KARS1: variants seen among roughly 807,000 people sequenced by gnomAD.
The protein encoded by KARS1 is lysine--tRNA ligase.
Under a neutral mutation model 63.9 loss-of-function variants are expected in KARS1, and 50 were observed. That is an observed-to-expected ratio of 0.78 (90% CI 0.62 to 0.99). The LOEUF is 0.99. Ranked by LOEUF, KARS1 falls within the 50% of genes least tolerant of loss-of-function variation. The pLI is 0.00. For missense variants in KARS1, 816 were observed against 754.5 expected (o/e 1.08, Z -0.95); for synonymous variants, 320 against 264.6 (o/e 1.21, Z -2.03).
chr16:75,646,722 C>G (rs2082288571), intron 1 of KARS1, among the ~76,000 whole-genome samples: 1 of 151,850 alleles, frequency 6.6e-6, no homozygotes, highest in Admixed American at 6.6e-5. Context: ...CTTCAGCACA[C>G]TGCAACCTCC....
At chr16:75,639,787 T>C (rs369637915) in intron 3 of KARS1, 1 of 168,932 alleles carries the variant, frequency 5.9e-6, no homozygotes, top group African/African-American at 2.4e-5. Flanking sequence ...TGATTTTTTT[T>C]TTTTGTTTTT....
In KARS1 at chr16:75,635,735, C is replaced by A. The variant is rs780320080; in HGVS notation, c.740G>T (p.Arg247Leu). ...NDFVRQKFII[R>L]SKIITYIRSF... is the part of the protein sequence containing the mutation. Reference sequence around the variant, plus strand: ...TCTTATATATGTGATGATCTTAGAGCGGATGATAAATTTCTGCCTCACAAA... The same window carrying A: ...TCTTATATATGTGATGATCTTAGAGAGGATGATAAATTTCTGCCTCACAAA... The change falls in exon 6 of 14, where the codon CGC becomes CTC. Residue 247 changes from arginine (R) to leucine (L), a missense_variant. Arg to Leu is a moderately radical substitution (Grantham distance 102). Coordinates refer to ENST00000302445, the MANE Select transcript of KARS1 (RefSeq NM_005548.3). 9 of 1,614,002 alleles carry A rather than the reference C, an allele frequency of 5.6e-6. No individual in the cohort carries two copies. Among genetic ancestry groups the A allele is most frequent in the Non-Finnish European group, 7.6e-6 (9 of 1,179,884 alleles).
intron 1 of KARS1, 122 bp from the exon 2 acceptor site, chr16:75,641,845 C>T: frequency 2.1e-6 from 2 of 949,526 alleles, no homozygotes; most frequent in South Asian, 1.3e-5. Flanking sequence ...AGTTCTATAC[C>T]CCTCAATTCC....
At chr16:75,639,525 T>C (rs1266394152) in intron 3 of KARS1, among the ~76,000 whole-genome samples, 1 of 134,604 alleles carries the variant, frequency 7.4e-6, no homozygotes, top group Non-Finnish European at 1.5e-5. Context: ...TAAGCTGAGA[T>C]GGCACCACTG....
rs201944195 is a variant in KARS1, at chr16:75,631,453, C to A, written c.1215G>T (p.Gly405=). The A allele has an allele frequency of 6.2e-7, 1 of 1,614,166 alleles. No homozygotes were observed. The highest frequency in any genetic ancestry group is 2.2e-5 in the East Asian group (1 of 44,888). Residue 405 remains glycine, a synonymous_variant, in exon 9 of 14, where the codon GGG becomes GGT. Coordinates refer to ENST00000302445, the MANE Select transcript of KARS1 (RefSeq NM_005548.3). Reference sequence around the variant, plus strand: ...AGAGGTTCGTTTCTGGCAGCTTCATCCCCAGGGCTTTCTCAAGCTCTTCTA... The same window carrying A: ...AGAGGTTCGTTTCTGGCAGCTTCATACCCAGGGCTTTCTCAAGCTCTTCTA... ...NMVEELEKAL[G]MKLPETNLFE...
intron 1 of KARS1, among the ~76,000 whole-genome samples, chr16:75,645,213 T>A (rs945077978): frequency 6.6e-6 from 1 of 150,452 alleles, no homozygotes; most frequent in Non-Finnish European, 1.5e-5. Context: ...CAGAAAAAAA[T>A]TATTTTAGCT....
chr16:75,628,054 A>T, intron 13 of KARS1, 61 bp from the exon 14 acceptor site: 1 of 967,030 alleles, frequency 1.0e-6, no homozygotes, highest in African/African-American at 1.6e-5. Flanking sequence ...TTTCACAGCT[A>T]TCTACCCATT....
intron 1 of KARS1, among the ~76,000 whole-genome samples, chr16:75,643,294 C>A (rs564168079): frequency 6.4e-4 from 98 of 152,210 alleles, no homozygotes; most frequent in African/African-American, 2.3e-3. Flanking sequence ...TGCCCGCAAA[C>A]ATTCTGGCTT....
intron 1 of KARS1, among the ~76,000 whole-genome samples, chr16:75,642,424 A>G (rs1274371289): frequency 1.3e-5 from 2 of 151,732 alleles, no homozygotes; most frequent in African/African-American, 4.8e-5. Flanking sequence ...CTGGTCTCAA[A>G]CTCCTTTCCT....
chr16:75,644,885 G>C (rs776447370), intron 1 of KARS1, among the ~76,000 whole-genome samples: 1 of 152,138 alleles, frequency 6.6e-6, no homozygotes, highest in African/African-American at 2.4e-5. Context: ...GCAAACTCTA[G>C]ACAAAGATAA....
chr16:75,640,198 G>T lies in KARS1; in HGVS notation c.374C>A (p.Thr125Asn). ...AGAGTTCCTACCTGCCACCTTTAAG[G>T]TGATGTCAGTCAGGTGATCCCCAGG... ...LQPGDHLTDI[T>N]LKVAGRIHAK... The change falls in exon 3 of 14, where the codon ACC (threonine) becomes AAC (asparagine). Residue 125 changes from threonine (T) to asparagine (N), a missense_variant. By Grantham distance (65) the Thr-to-Asn change is moderately conservative (BLOSUM62 0). Transcript: ENST00000302445. 6.2e-7 allele frequency: 1 copy of T among 1,614,072 alleles called. No individual in the cohort carries two copies. The highest frequency in any genetic ancestry group is 8.5e-7 in the Non-Finnish European group (1 of 1,179,942).
chr16:75,639,196 A>T (rs2082196187), intron 3 of KARS1, among the ~76,000 whole-genome samples: 1 of 152,186 alleles, frequency 6.6e-6, no homozygotes, highest in South Asian at 2.1e-4. Flanking sequence ...AAAATAAAAA[A>T]AAATCTGAAT....
chr16:75,641,040 G>A (rs1023776034), intron 2 of KARS1, among the ~76,000 whole-genome samples: 1 of 152,098 alleles, frequency 6.6e-6, no homozygotes, highest in Admixed American at 6.6e-5. Context: ...GTAGTGGTGT[G>A]CGCCTCTAAT....
chr16:75,634,033 T>C, intron 7 of KARS1, 140 bp downstream of exon 7: 1 of 881,256 alleles, frequency 1.1e-6, no homozygotes, highest in South Asian at 1.3e-5. Flanking sequence ...GTTACTCACA[T>C]CCACACACCT....
In KARS1 at chr16:75,640,600, A is replaced by G. The variant is rs139669915; in HGVS notation, c.223-251T>C. ...AAACCTGAGTTCTGCCTAAAATCAT[A>G]AAAGTTTAATTTTTAATTGGTACAG... On this transcript the variant is annotated intron_variant, in intron 2 of 13. Coordinates refer to ENST00000302445, the MANE Select transcript of KARS1 (RefSeq NM_005548.3). 3.9e-3 allele frequency among the ~76,000 whole-genome samples: 588 copies of G among 152,344 alleles called. 4 individuals are homozygous for G. The highest frequency in any genetic ancestry group is 0.013 in the African/African-American group (550 of 41,578).
At chr16:75,629,686 G>C (rs2082090642) in intron 11 of KARS1, 145 bp from the exon 12 acceptor site, 3 of 847,706 alleles carry the variant, frequency 3.5e-6, no homozygotes, top group Non-Finnish European at 5.8e-6. Flanking sequence ...TGCAACCTCT[G>C]TCTCCTGGGT....
At position 75,631,146 on chromosome 16, in the gene KARS1, C is replaced by A. The variant is rs1265442360; in HGVS notation, c.1338+22G>T. 2.5e-6 allele frequency: 4 copies of A among 1,590,034 alleles called. No individual in the cohort carries two copies. The African/African-American group carries it at 5.4e-5, about 21-fold the overall frequency. On this transcript the variant is annotated intron_variant, in intron 10 of 13. Coordinates refer to ENST00000302445, the MANE Select transcript of KARS1 (RefSeq NM_005548.3). ...ATTCAGCACCAGATGAGGACATGTA[C>A]AAGAAGGCAGGGCCTTCTCACCTTG...
In KARS1 at chr16:75,635,960, A is replaced by G; in HGVS notation, c.621T>C (p.Ser207=). The part of the protein sequence containing the change: ...SIIPYEITLL[S]PCLHMLPHLH... ...GATGAGGTAACATATGCAAACAGGG[A>G]GACAGCAGTGTGATCTCATACGGAA... The change falls in exon 5 of 14, where the codon TCT becomes TCC. Residue 207 remains serine (S), a synonymous_variant. Transcript: ENST00000302445. 1 of 1,614,216 alleles carries G rather than the reference A, an allele frequency of 6.2e-7. No homozygotes were observed. The highest frequency in any genetic ancestry group is 1.1e-5 in the South Asian group (1 of 91,084).
At chr16:75,647,332 G>A (rs1567507130) in intron 1 of KARS1, 1 of 598,742 alleles carries the variant, frequency 1.7e-6, no homozygotes. Context: ...CTCCTCCACA[G>A]TCTCTTAACT....
Sources: allele counts gnomAD v4.1 joint callset (sites outside exome capture counted in the v4.1 genomes callset), GRCh38; gene constraint gnomAD v4.1.1; transcripts MANE v1.5; gene names NCBI Gene and HGNC (gene_info 2026-07-23, HGNC 2026-07-21).